KLF12: variants seen among roughly 807,000 people sequenced by gnomAD.
KLF12 encodes Krueppel-like factor 12.
KLF12 carries 9 observed loss-of-function variants against 37.8 expected under a neutral mutation model. That is an observed-to-expected ratio of 0.24 (90% CI 0.14 to 0.42). KLF12 has a LOEUF of 0.42. KLF12 is among the 10% of genes least tolerant of loss of function. The probability of loss-of-function intolerance (pLI) is 1.00; values close to 1 mark genes in which losing one functional copy is unlikely to be tolerated. For missense variants in KLF12, 411 were observed against 516.0 expected (o/e 0.80, Z 1.97); for synonymous variants, 208 against 202.1 (o/e 1.03, Z -0.25).
intron 3 of KLF12, among the ~76,000 whole-genome samples, chr13:73,933,371 T>C (rs993845429): frequency 5.9e-5 from 9 of 152,330 alleles, no homozygotes; most frequent in African/African-American, 1.9e-4. Flanking sequence ...GAAAGTTTTC[T>C]AAACTATTAA....
At chr13:73,992,428 A>G (rs532045511) in intron 2 of KLF12, among the ~76,000 whole-genome samples, 1 of 152,360 alleles carries the variant, frequency 6.6e-6, no homozygotes, top group Non-Finnish European at 1.5e-5. Context: ...AATGAAGTAA[A>G]GAAAAACTTA....
intron 2 of KLF12, among the ~76,000 whole-genome samples, chr13:73,959,505 A>T (rs1189207979): frequency 6.6e-6 from 1 of 150,724 alleles, no homozygotes; most frequent in Non-Finnish European, 1.5e-5. Flanking sequence ...TTTTATATAA[A>T]ATATATATTA....
At chr13:73,797,517 C>A (rs1882045853) in intron 5 of KLF12, among the ~76,000 whole-genome samples, 1 of 152,140 alleles carries the variant, frequency 6.6e-6, no homozygotes, top group Non-Finnish European at 1.5e-5. Context: ...CGCCTATAAT[C>A]CCAGCATTTT....
chr13:74,233,865 T>C, the KLF12 span, among the ~76,000 whole-genome samples: 1 of 152,174 alleles, frequency 6.6e-6, no homozygotes, highest in Admixed American at 6.5e-5. Context: ...ATCATTTGCT[T>C]TCTATATACC....
chr13:73,764,811 C>T (rs182205959), intron 6 of KLF12, 127 bp downstream of exon 6: 57 of 562,082 alleles, frequency 1.0e-4, no homozygotes, highest in Middle Eastern at 3.2e-4. Flanking sequence ...AAAGGAAGAC[C>T]GCATAGTCCA....
chr13:74,228,411 A>G, the KLF12 span, among the ~76,000 whole-genome samples: 12 of 152,158 alleles, frequency 7.9e-5, no homozygotes, highest in Non-Finnish European at 1.6e-4. Context: ...TTGAAATAAT[A>G]TTTATACACT....
chr13:74,156,609 G>A, the KLF12 span, among the ~76,000 whole-genome samples: 1 of 119,932 alleles, frequency 8.3e-6, no homozygotes, highest in Non-Finnish European at 1.7e-5. Context: ...CCATCCCCAC[G>A]CCCACCCCCA....
At chr13:73,932,611 A>G (rs1451345454) in intron 3 of KLF12, among the ~76,000 whole-genome samples, 1 of 152,188 alleles carries the variant, frequency 6.6e-6, no homozygotes, top group Non-Finnish European at 1.5e-5. Flanking sequence ...TCAAAAATTG[A>G]TAGACACACA....
intron 4 of KLF12, chr13:73,845,144 C>T (rs539537789): frequency 1.3e-5 from 2 of 152,302 alleles, no homozygotes; most frequent in South Asian, 2.1e-4. Context: ...GCAAAGTTAT[C>T]TTCCTGCCTT....
intron 6 of KLF12, among the ~76,000 whole-genome samples, chr13:73,764,455 A>G (rs1405114038): frequency 6.8e-6 from 1 of 148,008 alleles, no homozygotes; most frequent in African/African-American, 2.5e-5. Context: ...TCAGTTAAAG[A>G]AGATCTTAGT....
intron 5 of KLF12, among the ~76,000 whole-genome samples, chr13:73,795,859 A>T (rs1881931561): frequency 6.6e-6 from 1 of 152,220 alleles, no homozygotes; most frequent in East Asian, 1.9e-4. Flanking sequence ...AATCTAACAG[A>T]TCAGATGAAG....
chr13:73,838,223 C>G (rs1368733475), intron 4 of KLF12, among the ~76,000 whole-genome samples: 1 of 152,140 alleles, frequency 6.6e-6, no homozygotes, highest in African/African-American at 2.4e-5. Flanking sequence ...ATATAACCAG[C>G]ATGAGACTAA....
intron 3 of KLF12, among the ~76,000 whole-genome samples, chr13:73,870,440 T>C (rs527789577): frequency 6.6e-6 from 1 of 152,360 alleles, no homozygotes; most frequent in South Asian, 2.1e-4. Context: ...GGTTAGCACT[T>C]TTCAAACATT....
At chr13:73,956,684 G>C (rs776627203) in intron 2 of KLF12, among the ~76,000 whole-genome samples, 25 of 152,224 alleles carry the variant, frequency 1.6e-4, no homozygotes, top group Admixed American at 5.9e-4. Context: ...ACCTTGGGAG[G>C]CCAAGGCAGG....
At chr13:73,746,524 C>T (rs1431016097) in intron 6 of KLF12, among the ~76,000 whole-genome samples, 2 of 151,952 alleles carry the variant, frequency 1.3e-5, no homozygotes, top group East Asian at 3.9e-4. Context: ...GTTATATTCT[C>T]CTTTAGATAC....
At position 73,809,093 on chromosome 13, in the gene KLF12, C is replaced by T. The variant is rs145070834; in HGVS notation, c.806+4059G>A. Among the ~76,000 whole-genome samples the T allele has an allele frequency of 3.7e-3, 564 of 152,278 alleles. 3 individuals are homozygous for T. The highest frequency in any genetic ancestry group is 5.7e-3 in the Non-Finnish European group (388 of 68,030). ...GACCAGGGTTTCTAAAATGTGTTGC[C>T]TGTAATATATAGAAAACTTCTGATT... On this transcript the variant is annotated intron_variant, in intron 5 of 7. Transcript: ENST00000377669.
chr13:74,083,343 A>G (rs2138772014), intron 1 of KLF12, among the ~76,000 whole-genome samples: 1 of 152,252 alleles, frequency 6.6e-6, no homozygotes, highest in South Asian at 2.1e-4. Flanking sequence ...CTGTGTCTAA[A>G]AAGTGCAGAA....
chr13:73,800,877 T>G (rs1482121242), intron 5 of KLF12: 1 of 152,154 alleles, frequency 6.6e-6, no homozygotes, highest in Non-Finnish European at 1.5e-5. Flanking sequence ...TCCACACCAG[T>G]AATTTTGCAG....
At chr13:74,153,826 A>G in the KLF12 span, among the ~76,000 whole-genome samples, 4 of 152,296 alleles carry the variant, frequency 2.6e-5, no homozygotes, top group Admixed American at 2.6e-4. Flanking sequence ...CTGTGAATTT[A>G]TCTTCCTACC....
Sources: gnomAD v4.1 joint callset for allele counts (sites outside exome capture counted in the v4.1 genomes callset) on GRCh38, gnomAD v4.1.1 for gene constraint, MANE v1.5 for transcripts, NCBI Gene and HGNC (gene_info 2026-07-23, HGNC 2026-07-21) for gene names.